The following PTPRK variants were observed in gnomAD, a reference collection of about 807,000 sequenced individuals.
PTPRK encodes receptor-type tyrosine-protein phosphatase kappa.
PTPRK carries 75 observed loss-of-function variants against 178.0 expected under a neutral mutation model. The observed-to-expected ratio is 0.42, with a 90% CI of 0.35 to 0.51. The LOEUF is 0.51. Ranked by LOEUF, PTPRK falls within the 20% of genes least tolerant of loss-of-function variation. PTPRK has a pLI of 0.02. For missense variants in PTPRK, 1,441 were observed against 1,797.8 expected, an observed-to-expected ratio of 0.80 and a Z score of 3.59; for synonymous variants, 637 against 620.6, an observed-to-expected ratio of 1.03 and a Z score of -0.39.
chr6:128,014,240 T>C (rs1016904060), intron 13 of PTPRK, among the ~76,000 whole-genome samples: 4 of 151,624 alleles, frequency 2.6e-5, no homozygotes, highest in South Asian at 2.1e-4. Context: ...TCTCTGGAAA[T>C]TTCAAGCCCC....
At chr6:128,210,240 G>A (rs1043005898) in intron 6 of PTPRK, among the ~76,000 whole-genome samples, 1 of 151,946 alleles carries the variant, frequency 6.6e-6, no homozygotes, top group African/African-American at 2.4e-5. Context: ...CAGACATACA[G>A]ATTTCTATTC....
intron 7 of PTPRK, among the ~76,000 whole-genome samples, chr6:128,098,636 C>T (rs1420951460): frequency 6.6e-6 from 1 of 152,050 alleles, no homozygotes; most frequent in Non-Finnish European, 1.5e-5. Flanking sequence ...TGTTACTCAG[C>T]ATTTTGAAAC....
Position 128,506,659 on chromosome 6 carries a change from C to CAAAA in PTPRK, c.100+13596_100+13599dup, listed in dbSNP as rs60473661. On this transcript the variant is annotated intron_variant, in intron 1 of 29. Transcript: ENST00000368226. ...TGGTTGACAGAGTAAAACTCTGTCT[C>CAAAA]AAAAAAAAAAAAAAAAAAAAAAATT... Among the ~76,000 whole-genome samples, 384 of 53,044 alleles carry CAAAA rather than the reference C, an allele frequency of 7.2e-3. 2 individuals are homozygous for CAAAA. Among genetic ancestry groups the CAAAA allele is most frequent in the Non-Finnish European group, 0.012 (309 of 25,428 alleles). The allele number at this position is 53,044 out of a possible 152,430, so 34.8% of individuals were successfully genotyped here. A position where few individuals can be genotyped will look rare whatever the true frequency, so the allele number is the denominator to read the frequency against.
intron 1 of PTPRK, among the ~76,000 whole-genome samples, chr6:128,443,702 A>G (rs1846581185): frequency 6.6e-6 from 1 of 152,370 alleles, no homozygotes; most frequent in East Asian, 1.9e-4. Flanking sequence ...TAACTGAGTC[A>G]AAGCCAGCAG....
intron 1 of PTPRK, among the ~76,000 whole-genome samples, chr6:128,413,848 A>G (rs1296452068): frequency 6.6e-6 from 1 of 152,142 alleles, no homozygotes; most frequent in Non-Finnish European, 1.5e-5. Context: ...ACATGGTTTT[A>G]TTTCTGTTGC....
intron 3 of PTPRK, among the ~76,000 whole-genome samples, chr6:128,295,379 T>C (rs1824145612): frequency 6.6e-6 from 1 of 152,096 alleles, no homozygotes; most frequent in African/African-American, 2.4e-5. Flanking sequence ...ATTGCAAGTA[T>C]TTCTCAAGTG....
intron 21 of PTPRK, 28 bp from the exon 22 acceptor site, chr6:127,985,903 C>A: frequency 6.3e-7 from 1 of 1,583,532 alleles, no homozygotes; most frequent in Non-Finnish European, 8.6e-7. Context: ...GAAATGTTTT[C>A]AAAAGCCATT....
intron 2 of PTPRK, among the ~76,000 whole-genome samples, chr6:128,389,391 C>T (rs1007611059): frequency 6.1e-5 from 6 of 98,958 alleles, no homozygotes; most frequent in African/African-American, 1.5e-4. Context: ...CTTGTTTGCT[C>T]GGTTTTTTTT....
intron 3 of PTPRK, among the ~76,000 whole-genome samples, chr6:128,272,064 A>T (rs1348374165): frequency 6.6e-6 from 1 of 152,128 alleles, no homozygotes; most frequent in African/African-American, 2.4e-5. Context: ...AACCAATACA[A>T]CCATCTGATC....
chr6:128,298,511 C>G (rs1432489717), intron 3 of PTPRK, among the ~76,000 whole-genome samples: 1 of 151,938 alleles, frequency 6.6e-6, no homozygotes, highest in Non-Finnish European at 1.5e-5. Context: ...CATCAAAAAG[C>G]TTATCCACTA....
intron 2 of PTPRK, among the ~76,000 whole-genome samples, chr6:128,389,751 T>TA (rs1311514397): frequency 2.0e-5 from 3 of 152,074 alleles, no homozygotes; most frequent in African/African-American, 7.2e-5. Flanking sequence ...TCCTTTTTTT[T>TA]AATACTAGGC....
intron 2 of PTPRK, among the ~76,000 whole-genome samples, chr6:128,382,469 G>A (rs1201282815): frequency 2.0e-5 from 3 of 146,986 alleles, no homozygotes; most frequent in African/African-American, 7.5e-5. Context: ...GTGCAGTGGT[G>A]TGATCTCGGC....
At chr6:128,178,428 C>T (rs1173449927) in intron 7 of PTPRK, among the ~76,000 whole-genome samples, 1 of 151,564 alleles carries the variant, frequency 6.6e-6, no homozygotes, top group Non-Finnish European at 1.5e-5. Context: ...CATGATTTTC[C>T]CCTCTAATAT....
At chr6:128,514,434 C>T (rs1203951279) in intron 1 of PTPRK, among the ~76,000 whole-genome samples, 2 of 151,838 alleles carry the variant, frequency 1.3e-5, no homozygotes, top group African/African-American at 4.8e-5. Context: ...TTACATCTTT[C>T]ACATTTCCCA....
intron 1 of PTPRK, among the ~76,000 whole-genome samples, chr6:128,468,144 C>G (rs1457492667): frequency 6.6e-6 from 1 of 152,094 alleles, no homozygotes; most frequent in Admixed American, 6.6e-5. Flanking sequence ...AAATTATTAT[C>G]AAATAAATAA....
At chr6:128,175,582 A>G (rs949329044) in intron 7 of PTPRK, among the ~76,000 whole-genome samples, 4 of 151,804 alleles carry the variant, frequency 2.6e-5, no homozygotes, top group Non-Finnish European at 4.4e-5. Flanking sequence ...CATGATGGCA[A>G]TTACAATAAG....
intron 2 of PTPRK, among the ~76,000 whole-genome samples, chr6:128,380,553 C>CACGTGTGTGT (rs1554246047): frequency 4.9e-4 from 72 of 146,372 alleles, no homozygotes; most frequent in African/African-American, 1.8e-3. Flanking sequence ...CACACACACA[C>CACGTGTGTGT]GTGTGTGTGT....
intron 6 of PTPRK, among the ~76,000 whole-genome samples, chr6:128,193,874 T>C (rs1255650742): frequency 1.3e-5 from 2 of 151,802 alleles, no homozygotes; most frequent in African/African-American, 4.8e-5. Flanking sequence ...TAAAACAAGG[T>C]TAGGTTCATA....
In PTPRK at chr6:128,117,386, G is replaced by A. The variant is rs148945438; in HGVS notation, c.1163-27394C>T. 1.8e-3 allele frequency among the ~76,000 whole-genome samples: 268 copies of A among 152,176 alleles called. 1 individual carries two copies. The highest frequency in any genetic ancestry group is 6.1e-3 in the African/African-American group (254 of 41,528). ...GCAATATATCTTCAATAACAATGGG[G>A]CAAATCAAATTGATTAGGTAATGCT... On this transcript the variant is annotated intron_variant, in intron 7 of 29. Coordinates refer to ENST00000368226, the MANE Select transcript of PTPRK (RefSeq NM_002844.4).
Sources: gnomAD v4.1 joint callset for allele counts (sites outside exome capture counted in the v4.1 genomes callset) on GRCh38, gnomAD v4.1.1 for gene constraint, MANE v1.5 for transcripts, NCBI Gene and HGNC (gene_info 2026-07-23, HGNC 2026-07-21) for gene names.